The following IHO1 variants were observed in gnomAD, a reference collection of about 807,000 sequenced individuals.
The protein encoded by IHO1 is interactor of HORMAD1 1, also known as interactor of HORMAD1 protein 1.
In IHO1, 13 loss-of-function variants were observed where a neutral mutation model predicts 31.0. The observed-to-expected ratio is 0.42, with a 90% CI of 0.27 to 0.67. The LOEUF is 0.67. Ranked by LOEUF, IHO1 falls within the 30% of genes least tolerant of loss-of-function variation. The pLI is 0.24. For synonymous variants in IHO1, 221 were observed against 248.4 expected, an observed-to-expected ratio of 0.89 and a Z score of 1.04; for missense variants, 599 against 687.5, an observed-to-expected ratio of 0.87 and a Z score of 1.44.
intron 4 of IHO1, among the ~76,000 whole-genome samples, chr3:49,241,816 T>C (rs914663752): frequency 1.3e-5 from 2 of 151,774 alleles, no homozygotes; most frequent in African/African-American, 2.4e-5. Context: ...AGACAGGGTT[T>C]TACCATGTTG....
chr3:49,252,650 G>A (rs1370120311), intron 6 of IHO1, among the ~76,000 whole-genome samples: 2 of 152,044 alleles, frequency 1.3e-5, no homozygotes, highest in African/African-American at 4.8e-5. Context: ...TAGAACTCCT[G>A]GGCCCAAGCA....
chr3:49,252,477 G>A (rs1312419290), intron 6 of IHO1, among the ~76,000 whole-genome samples: 1 of 151,720 alleles, frequency 6.6e-6, no homozygotes, highest in Non-Finnish European at 1.5e-5. Flanking sequence ...GGAGTGCAGT[G>A]GCACAATCAC....
chr3:49,209,993 G>A (rs2046187442), intron 1 of IHO1, among the ~76,000 whole-genome samples: 1 of 151,518 alleles, frequency 6.6e-6, no homozygotes, highest in African/African-American at 2.4e-5. Flanking sequence ...TGGGATTACA[G>A]GCATGAGCCA....
chr3:49,219,493 T>A (rs1440797053), intron 2 of IHO1, among the ~76,000 whole-genome samples: 1 of 152,240 alleles, frequency 6.6e-6, no homozygotes, highest in African/African-American at 2.4e-5. Flanking sequence ...TGGCTTGCTG[T>A]CAATAAATAT....
At chr3:49,239,570 G>A (rs529885687) in intron 3 of IHO1, among the ~76,000 whole-genome samples, 4 of 151,942 alleles carry the variant, frequency 2.6e-5, no homozygotes, top group South Asian at 4.2e-4. Flanking sequence ...GTGAGCCCCC[G>A]TGCCCAGCTG....
At chr3:49,201,087 A>G (rs549246357) in intron 1 of IHO1, among the ~76,000 whole-genome samples, 4 of 151,486 alleles carry the variant, frequency 2.6e-5, no homozygotes, top group African/African-American at 7.2e-5. Context: ...TCCGCCTCCC[A>G]GGTTCACGCC....
chr3:49,234,159 G>GTT (rs1256914455), intron 2 of IHO1, among the ~76,000 whole-genome samples: 57 of 74,776 alleles, frequency 7.6e-4, no homozygotes, highest in African/African-American at 1.9e-3. Flanking sequence ...GTCTTTTGTT[G>GTT]TTGTTTTTTT....
chr3:49,254,834 C>T (rs1450021207), intron 6 of IHO1, among the ~76,000 whole-genome samples: 5 of 151,924 alleles, frequency 3.3e-5, no homozygotes, highest in Admixed American at 1.3e-4. Flanking sequence ...GAGGCCGAGG[C>T]GGGCAGATCA....
the IHO1 span, chr3:49,191,588 G>A: frequency 1.3e-6 from 1 of 795,510 alleles, no homozygotes; most frequent in Non-Finnish European, 2.2e-6. Flanking sequence ...GCCTCCAGGG[G>A]TGACCTCAAG....
intron 2 of IHO1, among the ~76,000 whole-genome samples, chr3:49,219,355 T>C (rs2046324955): frequency 1.3e-5 from 2 of 152,234 alleles, no homozygotes; most frequent in Admixed American, 6.5e-5. Context: ...GAATGATTTG[T>C]GCCTTAAGGA....
At chr3:49,195,319 G>C (rs969195145), upstream of IHO1, among the ~76,000 whole-genome samples, 3 of 151,938 alleles carry the variant, frequency 2.0e-5, no homozygotes, top group African/African-American at 7.3e-5. Context: ...CTACTTGGGA[G>C]GCTGAGGCAG....
At chr3:49,231,774 C>A (rs1269707017) in intron 2 of IHO1, among the ~76,000 whole-genome samples, 2 of 152,184 alleles carry the variant, frequency 1.3e-5, no homozygotes, top group African/African-American at 4.8e-5. Flanking sequence ...ATATCTAATG[C>A]CAAACATTTT....
At chr3:49,206,478 C>T (rs1381608242) in intron 1 of IHO1, among the ~76,000 whole-genome samples, 3 of 152,136 alleles carry the variant, frequency 2.0e-5, no homozygotes, top group African/African-American at 7.2e-5. Context: ...GATCCACCCA[C>T]CTCGGCCTCC....
intron 2 of IHO1, among the ~76,000 whole-genome samples, chr3:49,228,570 C>T (rs544386629): frequency 6.6e-6 from 1 of 152,288 alleles, no homozygotes; most frequent in South Asian, 2.1e-4. Context: ...CCAGTGGGTT[C>T]TTGGTCTCGC....
At chr3:49,196,324 CT>C (rs904734693), upstream of IHO1, among the ~76,000 whole-genome samples, 1,673 of 134,608 alleles carry the variant, frequency 0.012, 11 homozygotes, top group Middle Eastern at 0.023. Context: ...AACGTTTTTA[CT>C]TTTTTTTTTT....
chr3:49,218,791 G>T (rs2046318593), intron 2 of IHO1, among the ~76,000 whole-genome samples: 1 of 152,130 alleles, frequency 6.6e-6, no homozygotes, highest in Non-Finnish European at 1.5e-5. Flanking sequence ...GCTGAGTCAT[G>T]CAGGCCTGGA....
intron 2 of IHO1, chr3:49,214,018 T>TTCTCTTCA (rs1474385034): frequency 2.8e-6 from 1 of 355,536 alleles, no homozygotes; most frequent in African/African-American, 2.1e-5. Flanking sequence ...CAGACTCTTC[T>TTCTCTTCA]TCTCTTCATC....
rs1028353620 is a variant in IHO1, at chr3:49,201,350, A to G, written c.-16+1777A>G. ...TGGCTGTGCGCGGTGGCTCATGCCT[A>G]TAATCCCAGCACTTTGGGAGGCCAA... On this transcript the variant is annotated intron_variant, in intron 1 of 7. Transcript: ENST00000452691. 1.5e-3 allele frequency among the ~76,000 whole-genome samples: 233 copies of G among 151,852 alleles called. 1 individual carries two copies. The highest frequency in any genetic ancestry group is 4.3e-4 in the Non-Finnish European group (29 of 67,908).
chr3:49,197,095 C>T (rs1224050945), upstream of IHO1, among the ~76,000 whole-genome samples: 1 of 150,830 alleles, frequency 6.6e-6, no homozygotes, highest in African/African-American at 2.4e-5. Context: ...ATTCTCCTGC[C>T]TCAGCCTCCC....
Sources: allele counts gnomAD v4.1 joint callset (sites outside exome capture counted in the v4.1 genomes callset), GRCh38; gene constraint gnomAD v4.1.1; transcripts MANE v1.5; gene names NCBI Gene and HGNC (gene_info 2026-07-23, HGNC 2026-07-21).